CSPP1: variants seen among roughly 807,000 people sequenced by gnomAD.
CSPP1 encodes centrosome and spindle pole-associated protein 1.
A neutral mutation model predicts 164.4 loss-of-function variants in CSPP1; 126 were observed. The ratio of observed to expected loss-of-function variants is 0.77; its 90% CI spans 0.66 to 0.89. The LOEUF (loss-of-function observed/expected upper bound fraction) is 0.89. Ranked by LOEUF, CSPP1 falls within the 40% of genes least tolerant of loss-of-function variation. The probability of loss-of-function intolerance (pLI) is 0.00; values close to 1 mark genes in which losing one functional copy is unlikely to be tolerated. For synonymous variants in CSPP1, 472 were observed against 476.7 expected (o/e 0.99, Z 0.13); for missense variants, 1,395 against 1,449.8 (o/e 0.96, Z 0.61).
chr8:67,135,423 A>G (rs555196968), intron 16 of CSPP1: 3 of 152,160 alleles, frequency 2.0e-5, no homozygotes, highest in East Asian at 3.9e-4. Context: ...TGGCCTCCCA[A>G]AGTTTTGGGA....
intron 28 of CSPP1, among the ~76,000 whole-genome samples, chr8:67,186,608 T>C (rs1365657739): frequency 2.0e-5 from 3 of 152,186 alleles, no homozygotes; most frequent in African/African-American, 7.2e-5. Flanking sequence ...CTAGAAGCTT[T>C]CCTGCTAAGA....
chr8:67,193,244 G>T (rs138037265), intron 29 of CSPP1, among the ~76,000 whole-genome samples: 2 of 151,944 alleles, frequency 1.3e-5, no homozygotes, highest in East Asian at 3.9e-4. Context: ...GACTACAGGC[G>T]CCTGCCACCA....
chr8:67,125,413 A>G (rs1414363587), intron 15 of CSPP1, among the ~76,000 whole-genome samples: 1 of 152,170 alleles, frequency 6.6e-6, no homozygotes, highest in African/African-American at 2.4e-5. Context: ...GTTTGGCTGT[A>G]TAAGTGTGGA....
chr8:67,153,985 T>C (rs751885256), intron 18 of CSPP1, 39 bp from the exon 19 acceptor site: 2 of 873,590 alleles, frequency 2.3e-6, no homozygotes, highest in East Asian at 4.9e-5. Context: ...TTTCTAAGCA[T>C]TGGCTAATAG....
chr8:67,111,492 A>G (rs1297943035), intron 9 of CSPP1, among the ~76,000 whole-genome samples: 2 of 152,102 alleles, frequency 1.3e-5, no homozygotes, highest in Admixed American at 1.3e-4. Context: ...TGAGAATAGA[A>G]AGGAGGGGGC....
chr8:67,126,263 A>G (rs1234365412), intron 15 of CSPP1, among the ~76,000 whole-genome samples: 1 of 152,180 alleles, frequency 6.6e-6, no homozygotes, highest in Non-Finnish European at 1.5e-5. Context: ...TTTTCCCCGT[A>G]TGTATGGCTT....
chr8:67,118,980 C>T (rs1818471170), intron 15 of CSPP1, among the ~76,000 whole-genome samples, 159 bp downstream of exon 15: 1 of 152,128 alleles, frequency 6.6e-6, no homozygotes, highest in African/African-American at 2.4e-5. Flanking sequence ...CTTCAGAACT[C>T]TTTTCATCTT....
At chr8:67,175,764 CTGTCATGATG>C (rs1831467749) in intron 26 of CSPP1, among the ~76,000 whole-genome samples, 2 of 152,206 alleles carry the variant, frequency 1.3e-5, no homozygotes, top group South Asian at 4.1e-4. Flanking sequence ...TATCAGTGCC[CTGTCATGATG>C]TGTCGGGCAT....
intron 7 of CSPP1, among the ~76,000 whole-genome samples, chr8:67,097,928 A>G (rs1412441863): frequency 6.6e-6 from 1 of 151,316 alleles, no homozygotes; most frequent in Non-Finnish European, 1.5e-5. Context: ...TATAAATCAT[A>G]TTTTTATTTC....
rs1411936235 is a variant in CSPP1, at chr8:67,137,598, T to C, written c.1970T>C (p.Leu657Pro). 1 of 1,537,976 alleles carries C rather than the reference T, an allele frequency of 6.5e-7. No individual in the cohort carries two copies. ...GAPLRDAKGN[L>P]ITDLNRMHRQ... ...CCTCTCAGGGATGCAAAAGGAAATCTGATAAGTACGTTATTTCTACTGACT... is the reference window on the plus strand; with the variant it reads ...CCTCTCAGGGATGCAAAAGGAAATCCGATAAGTACGTTATTTCTACTGACT... Residue 657 changes from leucine to proline, a missense_variant, in exon 17 of 31, where the codon CTG becomes CCG. Transcript: ENST00000678616.
intron 22 of CSPP1, among the ~76,000 whole-genome samples, chr8:67,163,530 T>A (rs2129562249): frequency 6.6e-6 from 1 of 152,058 alleles, no homozygotes; most frequent in South Asian, 2.1e-4. Context: ...GAAGAATAGA[T>A]TTACATGGTA....
intron 30 of CSPP1, among the ~76,000 whole-genome samples, chr8:67,194,687 TAAAA>T (rs546923662): frequency 7.4e-6 from 1 of 135,616 alleles, no homozygotes; most frequent in East Asian, 2.1e-4. Flanking sequence ...CCAGGAGAAT[TAAAA>T]AAAAAAAAAA....
chr8:67,134,399 C>A (rs1821820253), intron 16 of CSPP1: 1 of 150,834 alleles, frequency 6.6e-6, no homozygotes, highest in African/African-American at 2.5e-5. Flanking sequence ...TGTCAATGAG[C>A]AGTAATATTT....
At chr8:67,192,415 G>A (rs919927905) in intron 29 of CSPP1, among the ~76,000 whole-genome samples, 19 of 152,126 alleles carry the variant, frequency 1.2e-4, no homozygotes, top group African/African-American at 4.6e-4. Context: ...TTATTGAGTT[G>A]TAAGAGTTCT....
At chr8:67,080,680 C>G (rs1808958006) in intron 3 of CSPP1, among the ~76,000 whole-genome samples, 1 of 152,226 alleles carries the variant, frequency 6.6e-6, no homozygotes, top group African/African-American at 2.4e-5. Context: ...ATAAGAATGA[C>G]TCACAGAACT....
intron 21 of CSPP1, among the ~76,000 whole-genome samples, chr8:67,159,658 A>G (rs1827377594): frequency 6.6e-6 from 1 of 150,662 alleles, no homozygotes; most frequent in Admixed American, 6.6e-5. Context: ...AGTAGCTGGG[A>G]CTACAGGCAC....
At chr8:67,120,864 T>C (rs1450681175) in intron 15 of CSPP1, among the ~76,000 whole-genome samples, 1 of 152,062 alleles carries the variant, frequency 6.6e-6, no homozygotes, top group African/African-American at 2.4e-5. Flanking sequence ...TTCTTTCTTT[T>C]TTTTTTTGAG....
At chr8:67,170,395 G>T (rs942929302) in intron 24 of CSPP1, among the ~76,000 whole-genome samples, 4 of 152,112 alleles carry the variant, frequency 2.6e-5, no homozygotes, top group African/African-American at 7.2e-5. Context: ...AGTGGAGGTT[G>T]CAGTGAGCTG....
At chr8:67,158,959 AT>A in intron 20 of CSPP1, 31 bp from the exon 21 acceptor site, 4 of 1,528,164 alleles carry the variant, frequency 2.6e-6, no homozygotes, top group Non-Finnish European at 3.6e-6. Context: ...GAAGGAATAT[AT>A]GGAATGCATA....
Sources: allele counts gnomAD v4.1 joint callset (sites outside exome capture counted in the v4.1 genomes callset), GRCh38; gene constraint gnomAD v4.1.1; transcripts MANE v1.5; gene names NCBI Gene and HGNC (gene_info 2026-07-23, HGNC 2026-07-21).